The following RAE1 variants were observed in gnomAD, a reference collection of about 807,000 sequenced individuals.
RAE1 encodes the protein ribonucleic acid export 1, also known as mRNA export factor RAE1.
RAE1 carries 13 observed loss-of-function variants against 52.7 expected under a neutral mutation model. The observed-to-expected ratio is 0.25, with a 90% CI of 0.16 to 0.39. The LOEUF (loss-of-function observed/expected upper bound fraction) is 0.39, where lower values mean the gene tolerates loss of function less well. Among genes scored for constraint, RAE1 ranks in the 10% least tolerant of loss-of-function variants. The probability of loss-of-function intolerance (pLI) is 1.00; values close to 1 mark genes in which losing one functional copy is unlikely to be tolerated. For synonymous variants in RAE1, 164 were observed against 153.1 expected (o/e 1.07, Z -0.52); for missense variants, 262 against 459.8 (o/e 0.57, Z 3.93).
intron 1 of RAE1, chr20:57,351,777 C>G (rs1474317164): frequency 1.0e-6 from 1 of 985,524 alleles, no homozygotes. Flanking sequence ...AGGGCGTCCC[C>G]TTTTAGCCTC....
intron 8 of RAE1, among the ~76,000 whole-genome samples, chr20:57,370,024 G>A (rs996085956): frequency 1.3e-5 from 2 of 152,216 alleles, no homozygotes; most frequent in East Asian, 1.9e-4. Context: ...CTCCTGCCGC[G>A]TAGTACTTCT....
intron 8 of RAE1, among the ~76,000 whole-genome samples, chr20:57,370,905 C>T (rs1287826543): frequency 6.6e-6 from 1 of 152,174 alleles, no homozygotes; most frequent in East Asian, 1.9e-4. Context: ...TCTCGGCCAC[C>T]ACCAGCCTGT....
At chr20:57,356,912 C>T (rs924796166) in intron 4 of RAE1, among the ~76,000 whole-genome samples, 1 of 152,236 alleles carries the variant, frequency 6.6e-6, no homozygotes, top group African/African-American at 2.4e-5. Context: ...AGGGGATGAA[C>T]AGCTGTAGAC....
At chr20:57,356,970 T>C (rs1200181495) in intron 4 of RAE1, among the ~76,000 whole-genome samples, 2 of 152,148 alleles carry the variant, frequency 1.3e-5, no homozygotes, top group East Asian at 3.9e-4. Context: ...CCCCAGCCTC[T>C]CTCCTCCCTT....
intron 11 of RAE1, among the ~76,000 whole-genome samples, chr20:57,376,011 G>A (rs2067109624): frequency 6.6e-6 from 1 of 152,242 alleles, no homozygotes; most frequent in African/African-American, 2.4e-5. Context: ...CAAGACACCT[G>A]CTGCCACACA....
intron 1 of RAE1, chr20:57,351,756 C>T: frequency 4.1e-6 from 4 of 985,504 alleles, no homozygotes; most frequent in Non-Finnish European, 4.8e-6. Context: ...TTTCCCTGGC[C>T]GCTTTGCAGA....
At chr20:57,355,242 CAAAA>C (rs1391147749) in intron 3 of RAE1, among the ~76,000 whole-genome samples, 1 of 151,460 alleles carries the variant, frequency 6.6e-6, no homozygotes, top group Non-Finnish European at 1.5e-5. Flanking sequence ...AAAAGAAAGA[CAAAA>C]AAATTACAGT....
Position 57,351,271 on chromosome 20 carries a change from G to A in RAE1, c.-159G>A, listed in dbSNP as rs2066704303. On this transcript the variant is annotated 5_prime_UTR_variant, in exon 1 of 12. Transcript: ENST00000395841. ...ACGCGCGTTGTTTCCGCGGTAGTCA[G>A]GGCAGTTTCTACCGCAGGCTTAAGG... is the stretch of plus-strand genomic sequence containing the variant. The A allele has an allele frequency of 3.0e-6, 3 of 985,460 alleles. No homozygotes were observed. Among genetic ancestry groups the A allele is most frequent in the Non-Finnish European group, 3.6e-6 (3 of 829,932 alleles). 61.0% of individuals were successfully genotyped at this position (985,460 alleles called of 1,614,324 possible). A position where few individuals can be genotyped will look rare whatever the true frequency, so the allele number is the denominator to read the frequency against.
At chr20:57,353,342 G>A (rs1344515193) in intron 1 of RAE1, among the ~76,000 whole-genome samples, 1 of 152,216 alleles carries the variant, frequency 6.6e-6, no homozygotes, top group African/African-American at 2.4e-5. Context: ...AATGAAGACT[G>A]GTGAGATTAG....
intron 4 of RAE1, among the ~76,000 whole-genome samples, chr20:57,363,798 A>G (rs557795056): frequency 6.6e-6 from 1 of 152,388 alleles, no homozygotes; most frequent in East Asian, 1.9e-4. Context: ...TAAAGTGGAA[A>G]TCAAAGTAGG....
intron 4 of RAE1, among the ~76,000 whole-genome samples, chr20:57,362,102 C>G (rs919180465): frequency 6.6e-6 from 1 of 152,230 alleles, no homozygotes; most frequent in Non-Finnish European, 1.5e-5. Context: ...AAACCATACC[C>G]TCACTTCACC....
chr20:57,356,040 T>A (rs1197305497), intron 3 of RAE1, among the ~76,000 whole-genome samples: 3 of 152,218 alleles, frequency 2.0e-5, no homozygotes, highest in Admixed American at 2.0e-4. Context: ...GGGTGATTTT[T>A]ATTTTTTTGC....
Position 57,368,610 on chromosome 20 carries a change from CT to C in RAE1, c.535-93del, listed in dbSNP as rs555396230. 750 of 759,788 alleles carry C rather than the reference CT, an allele frequency of 9.9e-4. 5 individuals carry two copies. In the African/African-American group the frequency reaches 0.011, roughly 12 times the overall value. 47.1% of individuals were successfully genotyped at this position (759,788 alleles called of 1,614,324 possible). A position where few individuals can be genotyped will look rare whatever the true frequency, so the allele number is the denominator to read the frequency against. On this transcript the variant is annotated intron_variant, in intron 7 of 11. Coordinates refer to ENST00000395841, the MANE Select transcript of RAE1 (RefSeq NM_003610.4). ...AATCCCAGGATTATTAAAATCCAGA[CT>C]TAATGTTGTAACCAAAAATTGATCA...
At chr20:57,372,189 A>AC (rs1365522846) in intron 8 of RAE1, 1 of 152,262 alleles carries the variant, frequency 6.6e-6, no homozygotes, top group African/African-American at 2.4e-5. Context: ...TAAAATCAGC[A>AC]CTTAGACCTT....
At position 57,366,768 on chromosome 20, in the gene RAE1, C is replaced by T. The variant is rs142280488; in HGVS notation, c.376-39C>T. The T allele has an allele frequency of 3.4e-4, 522 of 1,536,660 alleles. 3 individuals carry two copies. The African/African-American group carries it at 6.4e-3, about 19-fold the overall frequency. ...ACTAAAGCTGTTCAGCACATTCTTA[C>T]ATTTACCTTGATCTGTTTTGTTTTT... On this transcript the variant is annotated intron_variant, in intron 5 of 11. Coordinates refer to ENST00000395841, the MANE Select transcript of RAE1 (RefSeq NM_003610.4).
At chr20:57,361,806 G>A (rs758881803) in intron 4 of RAE1, among the ~76,000 whole-genome samples, 157 of 152,296 alleles carry the variant, frequency 1.0e-3, no homozygotes, top group Non-Finnish European at 1.8e-3. Context: ...GAACCTATGG[G>A]CAATCTTAAT....
intron 2 of RAE1, 27 bp downstream of exon 2, chr20:57,354,155 G>A (rs2066750824): frequency 6.3e-7 from 1 of 1,594,346 alleles, no homozygotes; most frequent in Non-Finnish European, 8.6e-7. Context: ...CCTGGGGCTT[G>A]TAGGAAGAGT....
rs755166301 is a variant in RAE1, at chr20:57,366,847, C to T, written c.416C>T (p.Pro139Leu). 2 of 1,613,884 alleles carry T rather than the reference C, an allele frequency of 1.2e-6. No individual in the cohort carries two copies. The highest frequency in any genetic ancestry group is 2.2e-5 in the South Asian group (2 of 91,070). Residue 139 changes from proline to leucine, a missense_variant, in exon 6 of 12, where the codon CCA becomes CTA. Coordinates refer to ENST00000395841, the MANE Select transcript of RAE1 (RefSeq NM_003610.4). ...AAAACCATCCATTGGATCAAAGCTC[C>T]AAACTACAGCTGTGTGATGACTGGG... is the stretch of plus-strand genomic sequence containing the variant. ...PVKTIHWIKA[P>L]NYSCVMTGSW...
intron 1 of RAE1, among the ~76,000 whole-genome samples, chr20:57,353,255 T>A (rs2066736973): frequency 6.6e-6 from 1 of 152,210 alleles, no homozygotes; most frequent in African/African-American, 2.4e-5. Flanking sequence ...GATACTGCAT[T>A]TTCTACATAA....
Sources: gnomAD v4.1 joint callset for allele counts (sites outside exome capture counted in the v4.1 genomes callset) on GRCh38, gnomAD v4.1.1 for gene constraint, MANE v1.5 for transcripts, NCBI Gene and HGNC (gene_info 2026-07-23, HGNC 2026-07-21) for gene names.